The following PARP15 variants were observed in gnomAD, a reference collection of about 807,000 sequenced individuals.
PARP15 encodes the protein protein mono-ADP-ribosyltransferase PARP15.
A neutral mutation model predicts 62.1 loss-of-function variants in PARP15; 50 were observed. That is an observed-to-expected ratio of 0.81 (90% confidence interval 0.64 to 1.02). The LOEUF is 1.02. Ranked by LOEUF, PARP15 falls within the 50% of genes least tolerant of loss-of-function variation. The pLI is 0.00. For missense variants in PARP15, 820 were observed against 826.5 expected (o/e 0.99, Z 0.10); for synonymous variants, 309 against 293.1 (o/e 1.05, Z -0.55).
At chr3:122,595,738 G>T (rs918706045) in intron 1 of PARP15, among the ~76,000 whole-genome samples, 2 of 152,086 alleles carry the variant, frequency 1.3e-5, no homozygotes, top group Admixed American at 1.3e-4. Context: ...TTGCCACAGT[G>T]CCCAGGGTGG....
rs546151784 is a variant in PARP15 at position 122,601,773 on chromosome 3, A to G, written c.187-4163A>G. Among the ~76,000 whole-genome samples, 10 of 152,278 alleles carry G rather than the reference A, an allele frequency of 6.6e-5. No individual in the cohort carries two copies. In the East Asian group the frequency reaches 9.6e-4, roughly 15 times the overall value. On this transcript the variant is annotated intron_variant, in intron 1 of 11. Transcript: ENST00000464300. ...GGTATTGTGTGAACAAAAGTTTTCA[A>G]TTTATTTGGGTAAATACCAAGTCAT...
At position 122,621,477 on chromosome 3, in the gene PARP15, C is replaced by A; in HGVS notation, c.1097C>A (p.Pro366Gln). 6.2e-7 allele frequency: 1 copy of A among 1,612,874 alleles called. No individual in the cohort carries two copies. The highest frequency in any genetic ancestry group is 1.1e-5 in the South Asian group (1 of 90,756). ...AQPHRDFIITPGGCLKCKIII... is the reference protein window; with the variant it reads ...AQPHRDFIITQGGCLKCKIII... ...CCTCACAGAGATTTTATAATTACAC[C>A]AGGTGGATGCTTAAAGTGCAAAATA... is the stretch of plus-strand genomic sequence containing the variant. Residue 366 changes from proline (P) to glutamine (Q), a missense_variant, in exon 8 of 12, where the codon CCA (proline) becomes CAA (glutamine). Transcript: ENST00000464300.
intron 1 of PARP15, among the ~76,000 whole-genome samples, chr3:122,596,224 C>T (rs1349377621): frequency 6.6e-6 from 1 of 151,868 alleles, no homozygotes; most frequent in Non-Finnish European, 1.5e-5. Context: ...GCCGTAGTGG[C>T]ATGTGCCTGT....
chr3:122,582,715 G>A (rs772283835), intron 1 of PARP15, among the ~76,000 whole-genome samples: 8 of 151,984 alleles, frequency 5.3e-5, no homozygotes, highest in Non-Finnish European at 1.2e-4. Flanking sequence ...CATCAAATTT[G>A]AATTTTTTTG....
intron 1 of PARP15, among the ~76,000 whole-genome samples, chr3:122,595,371 T>C (rs1934255232): frequency 6.6e-6 from 1 of 151,848 alleles, no homozygotes; most frequent in Non-Finnish European, 1.5e-5. Context: ...AAGCTGTTCT[T>C]GTCAAAGTCA....
chr3:122,603,173 GCCA>G (rs1482868764), intron 1 of PARP15, among the ~76,000 whole-genome samples: 1 of 152,130 alleles, frequency 6.6e-6, no homozygotes, highest in Non-Finnish European at 1.5e-5. Flanking sequence ...AAGTTGCCAG[GCCA>G]GCACCACTCC....
intron 1 of PARP15, among the ~76,000 whole-genome samples, chr3:122,585,116 T>G (rs1933316197): frequency 6.6e-6 from 1 of 152,238 alleles, no homozygotes; most frequent in South Asian, 2.1e-4. Flanking sequence ...CGAACTAAAC[T>G]GGGTCTATTT....
At chr3:122,622,381 T>C (rs60922815) in intron 8 of PARP15, among the ~76,000 whole-genome samples, 11,981 of 152,212 alleles carry the variant, frequency 0.079, 1,447 homozygotes, top group African/African-American at 0.26. Context: ...TTTCCTCCTT[T>C]GGTGGTGCCA....
rs772453006 is a variant in PARP15 at position 122,632,152 on chromosome 3, G to T, written c.1505G>T (p.Gly502Val). 6.2e-7 allele frequency: 1 copy of T among 1,613,906 alleles called. No homozygotes were observed. The highest frequency in any genetic ancestry group is 1.7e-5 in the Admixed American group (1 of 59,984). The change falls in exon 10 of 12, where the codon GGA (glycine) becomes GTA (valine). Residue 502 changes from glycine (G) to valine (V), a missense_variant. By Grantham distance (109) the Gly-to-Val change is moderately radical (BLOSUM62 -3). This residue lies in a region of PARP15 where 731 missense variants were observed against 727.7 expected (regional missense o/e 1.00). Transcript: ENST00000464300. Reference protein sequence around the residue: ...QLFCMVQLEPGQSEYNTIKDK... With the variant: ...QLFCMVQLEPVQSEYNTIKDK... The stretch of plus-strand genomic sequence containing the variant: ...TTTTGCATGGTCCAGCTAGAGCCAG[G>T]ACAATCAGAATATAATACCATAAAG...
rs12489170 is a variant in PARP15, at chr3:122,635,945, G to A, written c.1882G>A (p.Gly628Arg). 0.15 allele frequency: 242,016 copies of A among 1,613,796 alleles called. 22,166 individuals carry two copies. The highest frequency in any genetic ancestry group is 0.49 in the East Asian group (22,111 of 44,836). ...VRVLTGVFTK[G>R]RAGLVTPPPK... ...AGTACTTACTGGAGTCTTCACAAAG[G>A]GACGTGCAGGATTAGTCACCCCTCC... Residue 628 changes from glycine (G) to arginine (R), a missense_variant, in exon 12 of 12, where the codon GGA becomes AGA. Around this residue, in one of 3 missense-constraint regions of PARP15, gnomAD observed 84 missense variants for 79.7 expected, o/e 1.05. Coordinates refer to ENST00000464300, the MANE Select transcript of PARP15 (RefSeq NM_001113523.3).
intron 1 of PARP15, among the ~76,000 whole-genome samples, chr3:122,581,974 A>G: frequency 6.6e-6 from 1 of 152,176 alleles, no homozygotes. Context: ...AGTTTTGGTT[A>G]TTTGGAGATT....
At chr3:122,615,085 A>G in intron 4 of PARP15, 6 of 984,516 alleles carry the variant, frequency 6.1e-6, no homozygotes, top group Non-Finnish European at 7.2e-6. Context: ...AGAAAAAGAA[A>G]AAGTAGAAAC....
chr3:122,626,749 C>T lies in PARP15; in HGVS notation c.1232-78C>T, dbSNP rs1936752078. 8.3e-6 allele frequency: 11 copies of T among 1,333,142 alleles called. No individual in the cohort carries two copies. The Admixed American group carries it at 2.1e-4, about 26-fold the overall frequency. 82.6% of individuals were successfully genotyped at this position (1,333,142 alleles called of 1,614,324 possible). A position where few individuals can be genotyped will look rare whatever the true frequency, so the allele number is the denominator to read the frequency against. On this transcript the variant is annotated intron_variant, in intron 8 of 11. Coordinates refer to ENST00000464300, the MANE Select transcript of PARP15 (RefSeq NM_001113523.3). ...TGAGGGGCTTTCCTGTTTCTCAGCA[C>T]TGAGAACTGGATTTGCCATATTTCA... is the stretch of plus-strand genomic sequence containing the variant.
At chr3:122,600,139 T>G (rs1434994721) in intron 1 of PARP15, among the ~76,000 whole-genome samples, 2 of 152,206 alleles carry the variant, frequency 1.3e-5, no homozygotes, top group African/African-American at 4.8e-5. Context: ...TTTCACTCTT[T>G]CATTTTCACT....
At position 122,635,991 on chromosome 3, in the gene PARP15, C is replaced by T; in HGVS notation, c.1928C>T (p.Pro643Leu). 1.9e-6 allele frequency: 3 copies of T among 1,614,086 alleles called. No homozygotes were observed. The South Asian group carries it at 3.3e-5, about 18-fold the overall frequency. ...CCTCCACCCAAGAATCCTCACAATCCCACAGATCTCTTTGACTCAGTGACA... is the reference window on the plus strand; with the variant it reads ...CCTCCACCCAAGAATCCTCACAATCTCACAGATCTCTTTGACTCAGTGACA... ...VTPPPKNPHN[P>L]TDLFDSVTNN... The change falls in exon 12 of 12, where the codon CCC becomes CTC. Residue 643 changes from proline (P) to leucine (L), a missense_variant. Transcript: ENST00000464300.
At position 122,615,783 on chromosome 3, in the gene PARP15, T is replaced by G. The variant is rs1935920903; in HGVS notation, c.776T>G (p.Phe259Cys). Residue 259 changes from phenylalanine to cysteine, a missense_variant, in exon 5 of 12, where the codon TTT becomes TGT. Physicochemically the swap from Phe to Cys is radical, Grantham distance 205 (BLOSUM62 -2). Around this residue, in one of 3 missense-constraint regions of PARP15, gnomAD observed 731 missense variants for 727.7 expected, o/e 1.00. Coordinates refer to ENST00000464300, the MANE Select transcript of PARP15 (RefSeq NM_001113523.3). ...AGTAACTGTTTCTATTTCCAGGCAT[T>G]TTTAGATGAATTCACTAACTGGTCA... ...YTNDDEGCQA[F>C]LDEFTNWSRI... 3.7e-6 allele frequency: 6 copies of G among 1,612,840 alleles called. No homozygotes were observed. The highest frequency in any genetic ancestry group is 1.3e-5 in the African/African-American group (1 of 74,922).
chr3:122,588,589 T>C (rs1358281229), intron 1 of PARP15, among the ~76,000 whole-genome samples: 1 of 152,070 alleles, frequency 6.6e-6, no homozygotes, highest in Non-Finnish European at 1.5e-5. Flanking sequence ...GCCAGGGAGA[T>C]TGAGGCTGCA....
chr3:122,612,783 T>C (rs557281413), intron 3 of PARP15, among the ~76,000 whole-genome samples: 56 of 152,104 alleles, frequency 3.7e-4, no homozygotes, highest in Admixed American at 1.5e-3. Context: ...AGACTCTTCA[T>C]AAACACCACT....
intron 11 of PARP15, among the ~76,000 whole-genome samples, 199 bp downstream of exon 11, chr3:122,635,393 T>C (rs769352609): frequency 4.6e-5 from 7 of 151,968 alleles, no homozygotes; most frequent in Non-Finnish European, 1.0e-4. Flanking sequence ...AAAATAACTT[T>C]AACGTGCAGT....
Sources: gnomAD v4.1 joint callset for allele counts (sites outside exome capture counted in the v4.1 genomes callset) on GRCh38, gnomAD v4.1.1 for gene constraint, gnomAD v4.1.1 regional missense constraint, MANE v1.5 for transcripts, NCBI Gene and HGNC (gene_info 2026-07-23, HGNC 2026-07-21) for gene names.